EP300: variants seen among roughly 807,000 people sequenced by gnomAD.
EP300 encodes the protein histone acetyltransferase p300.
Under a neutral mutation model 264.0 loss-of-function variants are expected in EP300, and 31 were observed. The ratio of observed to expected loss-of-function variants is 0.12; its 90% CI spans 0.09 to 0.16. EP300 has a LOEUF of 0.16. Ranked by LOEUF, EP300 falls within the 10% of genes least tolerant of loss-of-function variation. The probability of loss-of-function intolerance (pLI) is 1.00; values close to 1 mark genes in which losing one functional copy is unlikely to be tolerated. For synonymous variants in EP300, 1,340 were observed against 1,045.4 expected (o/e 1.28, Z -5.44); for missense variants, 2,766 against 3,052.9 (o/e 0.91, Z 2.21).
At chr22:41,133,717 C>T (rs189797537) in intron 6 of EP300, among the ~76,000 whole-genome samples, 5 of 152,242 alleles carry the variant, frequency 3.3e-5, no homozygotes, top group African/African-American at 4.8e-5. Context: ...CTGTTGCTCC[C>T]ATTTTTGGTT....
rs2145735916 is a variant in EP300 at position 41,149,097 on chromosome 22, G to A, written c.2301G>A (p.Gln767=). ...CCAACCAGGGCCAGTTCCTTCCTCA[G>A]ACTCAGTTCCCATCACAGGGAATGA... ...QPSNQGQFLP[Q]TQFPSQGMNV... The change falls in exon 13 of 31, where the codon CAG becomes CAA. Residue 767 remains glutamine, a synonymous_variant. Coordinates refer to ENST00000263253, the MANE Select transcript of EP300 (RefSeq NM_001429.4). The A allele has an allele frequency of 6.2e-7, 1 of 1,613,020 alleles. No homozygotes were observed. Among genetic ancestry groups the A allele is most frequent in the Non-Finnish European group, 8.5e-7 (1 of 1,179,892 alleles).
chr22:41,136,315 C>T (rs1381160293), intron 7 of EP300, among the ~76,000 whole-genome samples: 4 of 152,212 alleles, frequency 2.6e-5, no homozygotes, highest in East Asian at 1.9e-4. Flanking sequence ...TGAGCCACCA[C>T]GCCTAGCCCA....
intron 4 of EP300, among the ~76,000 whole-genome samples, chr22:41,128,460 CA>C (rs200596527): frequency 1.2e-4 from 17 of 144,176 alleles, no homozygotes; most frequent in East Asian, 8.1e-4. Flanking sequence ...AACCCTGTTT[CA>C]AAAAAAAAAC....
Position 41,155,101 on chromosome 22 carries a change from T to C in EP300, c.3249T>C (p.Leu1083=). 6.2e-7 allele frequency: 1 copy of C among 1,609,528 alleles called. No homozygotes were observed. The highest frequency in any genetic ancestry group is 8.5e-7 in the Non-Finnish European group (1 of 1,175,820). ...LPFRQPVDPQ[L]LGIPDYFDIV... ...TTCGTCAACCTGTGGACCCTCAGCT[T>C]TTAGGAATCCCTGTAAGTATTTGGT... Residue 1083 remains leucine, a synonymous_variant, in exon 17 of 31, where the codon CTT becomes CTC. Coordinates refer to ENST00000263253, the MANE Select transcript of EP300 (RefSeq NM_001429.4).
chr22:41,130,090 G>T, intron 5 of EP300, 87 bp downstream of exon 5: 4 of 960,024 alleles, frequency 4.2e-6, no homozygotes, highest in Non-Finnish European at 6.7e-6. Context: ...TTATGTGAGG[G>T]ACCTGTGGTG....
chr22:41,171,103 T>C (rs2059168219), intron 27 of EP300, among the ~76,000 whole-genome samples: 1 of 151,726 alleles, frequency 6.6e-6, no homozygotes, highest in African/African-American at 2.4e-5. Context: ...GAGCGGTAGA[T>C]CAAGAAATCC....
chr22:41,164,833 A>AT (rs1442680056), intron 22 of EP300, among the ~76,000 whole-genome samples: 1 of 152,198 alleles, frequency 6.6e-6, no homozygotes, highest in African/African-American at 2.4e-5. Context: ...AGCAAGTTAT[A>AT]AGGCTGCAGT....
In EP300 at chr22:41,178,083, C is replaced by A. The variant is rs34985152; in HGVS notation, c.6372C>A (p.Val2124=). The stretch of plus-strand genomic sequence containing the variant: ...CTACCATGCCAGGTCAGCAGGGGGT[C>A]CACTCCAATCCAGCCATGCAGAACA... ...QPPTMPGQQG[V]HSNPAMQNMN... The change falls in exon 31 of 31, where the codon GTC becomes GTA. Residue 2124 remains valine, a synonymous_variant. Coordinates refer to ENST00000263253, the MANE Select transcript of EP300 (RefSeq NM_001429.4). 1 of 1,614,102 alleles carries A rather than the reference C, an allele frequency of 6.2e-7. No individual in the cohort carries two copies. The highest frequency in any genetic ancestry group is 8.5e-7 in the Non-Finnish European group (1 of 1,179,992).
chr22:41,167,973 C>T (rs1420053192), intron 23 of EP300, among the ~76,000 whole-genome samples: 2 of 150,568 alleles, frequency 1.3e-5, no homozygotes, highest in African/African-American at 4.9e-5. Context: ...AGGCGTGCAC[C>T]ACCATGCCTG....
chr22:41,154,931 ATGAT>A, intron 16 of EP300, 60 bp from the exon 17 acceptor site: 1 of 1,101,452 alleles, frequency 9.1e-7, no homozygotes, highest in South Asian at 1.2e-5. Context: ...TTCAGGCTGA[ATGAT>A]TTTTTAAAGT....
Position 41,152,248 on chromosome 22 carries a change from G to C in EP300, c.3040G>C (p.Glu1014Gln), listed in dbSNP as rs2145740765. Residue 1014 changes from glutamate to glutamine, a missense_variant, in exon 16 of 31, where the codon GAG becomes CAG. Physicochemically the swap from Glu to Gln is conservative, Grantham distance 29. Transcript: ENST00000263253. ...DCKMESTETE[E>Q]RSTELKTEIK... ...TAAAATGGAATCTACCGAAACAGAA[G>C]AGAGAAGCACTGAGTTAAAAACTGA... 6.2e-7 allele frequency: 1 copy of C among 1,614,130 alleles called. No homozygotes were observed. The highest frequency in any genetic ancestry group is 8.5e-7 in the Non-Finnish European group (1 of 1,180,010).
At chr22:41,142,126 T>C (rs909297375) in intron 10 of EP300, among the ~76,000 whole-genome samples, 11 of 152,196 alleles carry the variant, frequency 7.2e-5, no homozygotes, top group African/African-American at 2.7e-4. Flanking sequence ...TAGTGAAATA[T>C]GGAGCAGGCA....
chr22:41,129,201 C>T (rs1358655618), intron 4 of EP300, among the ~76,000 whole-genome samples: 1 of 151,672 alleles, frequency 6.6e-6, no homozygotes, highest in Non-Finnish European at 1.5e-5. Flanking sequence ...TTGGTAGAGA[C>T]GGGGTTTCAC....
chr22:41,100,912 G>A (rs762436150), intron 1 of EP300, among the ~76,000 whole-genome samples: 6 of 151,804 alleles, frequency 4.0e-5, no homozygotes, highest in Admixed American at 3.3e-4. Context: ...ATCATGTCAC[G>A]TATACAAGAC....
intron 10 of EP300, among the ~76,000 whole-genome samples, chr22:41,144,761 T>G (rs2059001562): frequency 6.6e-6 from 1 of 152,198 alleles, no homozygotes; most frequent in Admixed American, 6.5e-5. Context: ...AATAGATACA[T>G]TCGTATCTGC....
At chr22:41,164,749 A>G (rs1028987280) in intron 22 of EP300, among the ~76,000 whole-genome samples, 14 of 152,194 alleles carry the variant, frequency 9.2e-5, no homozygotes, top group African/African-American at 3.4e-4. Context: ...TCCGGCATCT[A>G]GAAACTAGGA....
intron 29 of EP300, among the ~76,000 whole-genome samples, chr22:41,174,982 C>A (rs1424804289): frequency 6.6e-6 from 1 of 150,904 alleles, no homozygotes; most frequent in Admixed American, 6.7e-5. Flanking sequence ...GAATAATGGG[C>A]TACGATGTAA....
chr22:41,130,534 AAAAC>A (rs1300243859), intron 5 of EP300, among the ~76,000 whole-genome samples: 1 of 129,054 alleles, frequency 7.7e-6, no homozygotes, highest in Non-Finnish European at 1.8e-5. Context: ...GTCTTTAAAA[AAAAC>A]AAAACAAAAC....
chr22:41,157,249 C>G lies in EP300; in HGVS notation c.3342C>G (p.Pro1114=), dbSNP rs769265808. The change falls in exon 18 of 31, where the codon CCC becomes CCG. Residue 1114 remains proline, a synonymous_variant. Coordinates refer to ENST00000263253, the MANE Select transcript of EP300 (RefSeq NM_001429.4). ...TAGACACTGGACAGTATCAGGAGCC[C>G]TGGCAGTATGTCGATGATATTTGGC... ...RKLDTGQYQE[P]WQYVDDIWLM... is the part of the protein sequence containing the mutation. The G allele has an allele frequency of 6.2e-7, 1 of 1,614,012 alleles. No individual in the cohort carries two copies. Among genetic ancestry groups the G allele is most frequent in the Non-Finnish European group, 8.5e-7 (1 of 1,180,034 alleles).
Sources: gnomAD v4.1 joint callset for allele counts (sites outside exome capture counted in the v4.1 genomes callset) on GRCh38, gnomAD v4.1.1 for gene constraint, MANE v1.5 for transcripts, NCBI Gene and HGNC (gene_info 2026-07-23, HGNC 2026-07-21) for gene names.